KCNJ6: variants seen among roughly 807,000 people sequenced by gnomAD.
KCNJ6 encodes the protein G protein-activated inward rectifier potassium channel 2.
A neutral mutation model predicts 34.2 loss-of-function variants in KCNJ6; 9 were observed. The observed-to-expected ratio is 0.26, with a 90% CI of 0.16 to 0.46. The LOEUF (loss-of-function observed/expected upper bound fraction) is 0.46. Ranked by LOEUF, KCNJ6 falls within the 20% of genes least tolerant of loss-of-function variation. The probability of loss-of-function intolerance (pLI) is 1.00; values close to 1 mark genes in which losing one functional copy is unlikely to be tolerated. For missense variants in KCNJ6, 236 were observed against 531.3 expected (o/e 0.44, Z 5.46); for synonymous variants, 196 against 207.1 (o/e 0.95, Z 0.46).
At chr21:37,840,849 A>G (rs1780220424) in intron 1 of KCNJ6, 140 bp from the exon 2 acceptor site, 8 of 574,266 alleles carry the variant, frequency 1.4e-5, no homozygotes, top group East Asian at 2.8e-5. Flanking sequence ...TGAATAAAAA[A>G]CCCACATGAC....
chr21:37,830,441 T>A (rs991255864), intron 2 of KCNJ6, among the ~76,000 whole-genome samples: 1 of 151,996 alleles, frequency 6.6e-6, no homozygotes, highest in African/African-American at 2.4e-5. Flanking sequence ...GTGACTTTGC[T>A]CCCCCAGGGA....
intron 2 of KCNJ6, among the ~76,000 whole-genome samples, chr21:37,830,962 G>GT (rs1279305873): frequency 3.9e-5 from 6 of 152,178 alleles, no homozygotes; most frequent in African/African-American, 1.4e-4. Context: ...TGGGCAGTGA[G>GT]TGCAGGAGGC....
chr21:37,612,718 C>A lies in KCNJ6; in HGVS notation c.*12441G>T, dbSNP rs2054247026. On this transcript the variant is annotated 3_prime_UTR_variant, in exon 4 of 4. Transcript: ENST00000609713. ...TGAAATAGCTGCACATTTGCACATCCACAGGCAAAAAAAAAAAAAAAAAAA... is the reference window on the plus strand; with the variant it reads ...TGAAATAGCTGCACATTTGCACATCAACAGGCAAAAAAAAAAAAAAAAAAA... 2.1e-5 allele frequency: 2 copies of A among 95,692 alleles called. No homozygotes were observed. Among genetic ancestry groups the A allele is most frequent in the Admixed American group, 1.3e-4 (1 of 7,886 alleles). The allele number at this position is 95,692 out of a possible 1,614,324, so 5.9% of individuals were successfully genotyped here. A position where few individuals can be genotyped will look rare whatever the true frequency, so the allele number is the denominator to read the frequency against.
intron 1 of KCNJ6, among the ~76,000 whole-genome samples, chr21:37,850,561 C>T (rs1324198104): frequency 1.3e-5 from 2 of 152,044 alleles, no homozygotes; most frequent in Non-Finnish European, 2.9e-5. Context: ...CCATCCCCAC[C>T]CCCTCCTCCT....
In KCNJ6 at chr21:37,828,755, C is replaced by T. The variant is rs1601490816; in HGVS notation, c.25+11903G>A. 2.6e-5 allele frequency among the ~76,000 whole-genome samples: 4 copies of T among 152,292 alleles called. No homozygotes were observed. In the South Asian group the frequency reaches 8.3e-4, roughly 32 times the overall value. On this transcript the variant is annotated intron_variant, in intron 2 of 3. Transcript: ENST00000609713. Reference sequence around the variant, plus strand: ...CTCTGACCATCTGCTCACTCAATTTCCAGAGCTGAGGCTGAGGCTCAGCGC... The same window carrying T: ...CTCTGACCATCTGCTCACTCAATTTTCAGAGCTGAGGCTGAGGCTCAGCGC...
At chr21:37,826,962 G>T (rs565123117) in intron 2 of KCNJ6, among the ~76,000 whole-genome samples, 106 of 152,276 alleles carry the variant, frequency 7.0e-4, no homozygotes, top group African/African-American at 2.4e-3. Flanking sequence ...GACCGCAAAG[G>T]CTTGTCCCTG....
intron 3 of KCNJ6, among the ~76,000 whole-genome samples, chr21:37,712,686 C>T (rs1244006365): frequency 5.4e-5 from 4 of 73,794 alleles, no homozygotes; most frequent in Admixed American, 1.4e-4. Context: ...CTCCTTCCTC[C>T]CCTTCTCCTC....
intron 3 of KCNJ6, among the ~76,000 whole-genome samples, chr21:37,710,187 A>T (rs857950): frequency 0.98 from 148,880 of 152,292 alleles, 72,805 homozygotes; most frequent in East Asian, 1. Flanking sequence ...TATAAAAAAC[A>T]GTGACATGTA....
chr21:37,666,096 G>T (rs1332430449), intron 3 of KCNJ6, among the ~76,000 whole-genome samples: 1 of 152,202 alleles, frequency 6.6e-6, no homozygotes, highest in Non-Finnish European at 1.5e-5. Context: ...AGAAGACATG[G>T]CTTGCACAGG....
chr21:37,638,948 T>A (rs1044686903), intron 3 of KCNJ6, among the ~76,000 whole-genome samples: 7 of 152,234 alleles, frequency 4.6e-5, no homozygotes, highest in Non-Finnish European at 1.0e-4. Flanking sequence ...TTAACTCTAC[T>A]GAGGAATTGC....
At chr21:37,726,068 G>A (rs2054852985) in intron 2 of KCNJ6, among the ~76,000 whole-genome samples, 1 of 152,120 alleles carries the variant, frequency 6.6e-6, no homozygotes, top group Non-Finnish European at 1.5e-5. Flanking sequence ...ACCATGCCTG[G>A]CTAATTTTTG....
At chr21:37,778,603 G>T (rs2123509716) in intron 2 of KCNJ6, among the ~76,000 whole-genome samples, 1 of 152,250 alleles carries the variant, frequency 6.6e-6, no homozygotes, top group African/African-American at 2.4e-5. Context: ...AAACTACTCT[G>T]GATGTGGCAT....
At chr21:37,904,983 C>T (rs778969387) in intron 1 of KCNJ6, among the ~76,000 whole-genome samples, 8 of 152,232 alleles carry the variant, frequency 5.3e-5, no homozygotes, top group Non-Finnish European at 7.3e-5. Context: ...TCACCTAGCT[C>T]TCTGCCCAGC....
chr21:37,759,438 A>T (rs1159909107), intron 2 of KCNJ6, among the ~76,000 whole-genome samples: 1 of 152,128 alleles, frequency 6.6e-6, no homozygotes, highest in Non-Finnish European at 1.5e-5. Flanking sequence ...TTACAGCAGC[A>T]CCTTTCTCAC....
chr21:37,904,466 T>C (rs1387163684), intron 1 of KCNJ6, among the ~76,000 whole-genome samples: 4 of 152,208 alleles, frequency 2.6e-5, no homozygotes, highest in Non-Finnish European at 4.4e-5. Context: ...TTTTTTTTGG[T>C]ATCACTTTGG....
At chr21:37,843,075 G>T (rs1373574892) in intron 1 of KCNJ6, among the ~76,000 whole-genome samples, 2 of 152,038 alleles carry the variant, frequency 1.3e-5, no homozygotes, top group East Asian at 3.9e-4. Flanking sequence ...ACCCCCCAAC[G>T]CCAAACCATA....
chr21:37,881,648 C>T (rs545514088), intron 1 of KCNJ6, among the ~76,000 whole-genome samples: 59 of 152,080 alleles, frequency 3.9e-4, no homozygotes, highest in Non-Finnish European at 6.0e-4. Context: ...TCCAAAGTGC[C>T]GGGATTACAA....
intron 2 of KCNJ6, among the ~76,000 whole-genome samples, chr21:37,743,872 G>T (rs2054953451): frequency 6.6e-6 from 1 of 151,480 alleles, no homozygotes; most frequent in Admixed American, 6.6e-5. Flanking sequence ...TTTTAATATG[G>T]TCAATAATAC....
At chr21:37,885,817 A>T (rs529118126) in intron 1 of KCNJ6, among the ~76,000 whole-genome samples, 3 of 152,332 alleles carry the variant, frequency 2.0e-5, no homozygotes, top group East Asian at 3.9e-4. Context: ...TGACATCTGG[A>T]AGCTGTGAGA....
Sources: gnomAD v4.1 joint callset for allele counts (sites outside exome capture counted in the v4.1 genomes callset) on GRCh38, gnomAD v4.1.1 for gene constraint, MANE v1.5 for transcripts, NCBI Gene and HGNC (gene_info 2026-07-23, HGNC 2026-07-21) for gene names.